The following SLC37A1 variants were observed in gnomAD, a reference collection of about 807,000 sequenced individuals.
The protein encoded by SLC37A1 is solute carrier family 37 member 1, also known as glucose-6-phosphate exchanger SLC37A1.
A neutral mutation model predicts 75.3 loss-of-function variants in SLC37A1; 49 were observed. The observed-to-expected ratio is 0.65, with a 90% CI of 0.52 to 0.83. The LOEUF (loss-of-function observed/expected upper bound fraction) is 0.83, where lower values mean the gene tolerates loss of function less well. SLC37A1 is among the 40% of genes least tolerant of loss of function. The pLI, the probability that SLC37A1 is intolerant of heterozygous loss-of-function variation, is 0.00. For missense variants in SLC37A1, 566 were observed against 695.0 expected (o/e 0.81, Z 2.09); for synonymous variants, 268 against 292.1 (o/e 0.92, Z 0.84).
chr21:42,550,632 C>T (rs2055533298), intron 9 of SLC37A1, among the ~76,000 whole-genome samples: 3 of 151,918 alleles, frequency 2.0e-5, no homozygotes, highest in African/African-American at 7.3e-5. Context: ...AAGACTAAAA[C>T]CTCTTAAGAA....
Position 42,566,966 on chromosome 21 carries a change from G to A in SLC37A1, c.1271-19G>A, listed in dbSNP as rs1245890124. 1 of 1,601,692 alleles carries A rather than the reference G, an allele frequency of 6.2e-7. No homozygotes were observed. The highest frequency in any genetic ancestry group is 1.7e-5 in the Admixed American group (1 of 59,680). On this transcript the variant is annotated intron_variant, in intron 15 of 19. Coordinates refer to ENST00000352133, the MANE Select transcript of SLC37A1 (RefSeq NM_001320537.2). ...TCTGGAGGGCACATTTCCATTCTTT[G>A]CCCCTCTGCCTCCCACAGCCATGCT...
intron 1 of SLC37A1, among the ~76,000 whole-genome samples, chr21:42,517,559 CGCA>C (rs2054544809): frequency 6.6e-6 from 1 of 152,162 alleles, no homozygotes; most frequent in South Asian, 2.1e-4. Flanking sequence ...CTTTGGAGGA[CGCA>C]GTGACTCAGG....
intron 17 of SLC37A1, among the ~76,000 whole-genome samples, chr21:42,570,106 T>TGGCGGGCAG (rs2056100581): frequency 5.0e-5 from 2 of 39,618 alleles, no homozygotes; most frequent in Admixed American, 3.5e-4. Context: ...TTCTGAGAAG[T>TGGCGGGCAG]GGTGGGCAGG....
intron 2 of SLC37A1, among the ~76,000 whole-genome samples, chr21:42,521,107 G>C (rs938236407): frequency 1.3e-5 from 2 of 152,238 alleles, no homozygotes; most frequent in Non-Finnish European, 1.5e-5. Flanking sequence ...GATGCACCCC[G>C]TGGGGCGGCA....
At chr21:42,507,658 C>A (rs757382281) in intron 2 of SLC37A1, among the ~76,000 whole-genome samples, 36 of 152,174 alleles carry the variant, frequency 2.4e-4, no homozygotes, top group Non-Finnish European at 4.4e-4. Flanking sequence ...GTACTTCTTA[C>A]GAAGGCCTCA....
intron 1 of SLC37A1, among the ~76,000 whole-genome samples, chr21:42,500,011 T>C (rs1270846930): frequency 1.3e-5 from 2 of 152,212 alleles, no homozygotes; most frequent in African/African-American, 2.4e-5. Context: ...GCAGTTGCCA[T>C]GGCGACTGAG....
At chr21:42,542,986 G>A (rs1056853958) in intron 7 of SLC37A1, among the ~76,000 whole-genome samples, 6 of 152,216 alleles carry the variant, frequency 3.9e-5, no homozygotes, top group Admixed American at 1.3e-4. Flanking sequence ...GTGGACGATC[G>A]CAAACAAGAT....
upstream of SLC37A1, among the ~76,000 whole-genome samples, chr21:42,512,423 G>T (rs901730713): frequency 6.6e-6 from 1 of 152,198 alleles, no homozygotes; most frequent in African/African-American, 2.4e-5. Flanking sequence ...ATTGCAGGAG[G>T]TAGAACTTGG....
In SLC37A1 at chr21:42,545,088, C is replaced by T. The variant is rs2055373883; in HGVS notation, c.730+1486C>T. ...TGTTTGTCTCTGTAAGCAGAGAGAGCTCAGCTCTTGTGAATAAGCCTCCCT... is the reference window on the plus strand; with the variant it reads ...TGTTTGTCTCTGTAAGCAGAGAGAGTTCAGCTCTTGTGAATAAGCCTCCCT... On this transcript the variant is annotated intron_variant, in intron 8 of 19. Transcript: ENST00000352133. The surrounding 1 kb of genome is among the most constrained non-coding windows in gnomAD (Gnocchi z 4.0). 6.6e-6 allele frequency among the ~76,000 whole-genome samples: 1 copy of T among 152,202 alleles called. No homozygotes were observed. Among genetic ancestry groups the T allele is most frequent in the Non-Finnish European group, 1.5e-5 (1 of 68,026 alleles).
intron 18 of SLC37A1, chr21:42,575,812 C>G: frequency 2.0e-6 from 2 of 985,252 alleles, no homozygotes. Flanking sequence ...AATCAAATAC[C>G]GACTCTCAAC....
In SLC37A1 at chr21:42,518,517, C is replaced by T. The variant is rs1295377281; in HGVS notation, c.56+7C>T. 5 of 1,614,092 alleles carry T rather than the reference C, an allele frequency of 3.1e-6. No individual in the cohort carries two copies. Among genetic ancestry groups the T allele is most frequent in the Non-Finnish European group, 4.2e-6 (5 of 1,179,990 alleles). ...CATTCTCCAGGGATCAGTGGTGAGT[C>T]CTGGTGGGGCAGGCCCTTGGCATGG... On this transcript the variant is annotated splice_region_variant and intron_variant, in intron 2 of 19. Transcript: ENST00000352133.
Position 42,548,801 on chromosome 21 carries a change from G to T in SLC37A1, c.768+1661G>T, listed in dbSNP as rs1426156415. 6.6e-6 allele frequency among the ~76,000 whole-genome samples: 1 copy of T among 152,084 alleles called. No homozygotes were observed. ...TTGGTCTCTGTCACCCTCACAGAAG[G>T]GTGCGAGCCCCTCGGGCCTGGATCA... On this transcript the variant is annotated intron_variant, in intron 9 of 19. Transcript: ENST00000352133. This position sits in a 1 kb window ranked among gnomAD's most constrained non-coding sequence, Gnocchi z 5.6.
At chr21:42,503,260 T>TTC (rs971572602) in intron 2 of SLC37A1, among the ~76,000 whole-genome samples, 3 of 150,444 alleles carry the variant, frequency 2.0e-5, no homozygotes, top group African/African-American at 7.4e-5. Context: ...TTTTTTTTTT[T>TTC]TTTTTTTGAG....
chr21:42,568,516 C>G, intron 17 of SLC37A1, 78 bp downstream of exon 17: 1 of 1,397,400 alleles, frequency 7.2e-7, no homozygotes, highest in Non-Finnish European at 1.0e-6. Flanking sequence ...GAACAGGTAC[C>G]CAGGGTTCCA....
rs73905685 is a variant in SLC37A1 at position 42,548,620 on chromosome 21, C to T, written c.768+1480C>T. Among the ~76,000 whole-genome samples, 9,741 of 152,280 alleles carry T rather than the reference C, an allele frequency of 0.064. 1,044 individuals carry two copies. The highest frequency in any genetic ancestry group is 0.22 in the African/African-American group (9,201 of 41,506). Reference sequence around the variant, plus strand: ...CTCCTCCGAGCCACTGCTCATCAGCCTCCTAGAACGATCCACTCTTGCTCC... The same window carrying T: ...CTCCTCCGAGCCACTGCTCATCAGCTTCCTAGAACGATCCACTCTTGCTCC... On this transcript the variant is annotated intron_variant, in intron 9 of 19. Transcript: ENST00000352133. This position sits in a 1 kb window ranked among gnomAD's most constrained non-coding sequence, Gnocchi z 5.6.
chr21:42,574,086 TAA>T (rs2056253632), intron 17 of SLC37A1, among the ~76,000 whole-genome samples: 1 of 152,212 alleles, frequency 6.6e-6, no homozygotes, highest in Admixed American at 6.5e-5. Context: ...CTGAACCACT[TAA>T]GAGTAAGATG....
intron 3 of SLC37A1, among the ~76,000 whole-genome samples, chr21:42,533,650 G>A (rs969183714): frequency 3.3e-5 from 5 of 151,222 alleles, no homozygotes; most frequent in African/African-American, 9.7e-5. Context: ...TCTGCCTCCC[G>A]ACACATGAGC....
chr21:42,525,732 TTC>T, intron 2 of SLC37A1, 42 bp from the exon 3 acceptor site: 1 of 1,400,012 alleles, frequency 7.1e-7, no homozygotes, highest in South Asian at 1.2e-5. Flanking sequence ...CTAACATAAC[TTC>T]TGTTATTTCA....
At chr21:42,549,375 G>A (rs2055500668) in intron 9 of SLC37A1, among the ~76,000 whole-genome samples, 1 of 152,156 alleles carries the variant, frequency 6.6e-6, no homozygotes, top group Non-Finnish European at 1.5e-5. Context: ...TATGAGTTTG[G>A]GGCTGAAGCC....
Sources: allele counts gnomAD v4.1 joint callset (sites outside exome capture counted in the v4.1 genomes callset), GRCh38; gene constraint gnomAD v4.1.1; non-coding constraint Gnocchi (gnomAD v3.1); transcripts MANE v1.5; gene names NCBI Gene and HGNC (gene_info 2026-07-23, HGNC 2026-07-21).